The following BACH2 variants were observed in gnomAD, a reference collection of about 807,000 sequenced individuals.
BACH2 encodes the protein BACH transcriptional regulator 2.
Under a neutral mutation model 61.8 loss-of-function variants are expected in BACH2, and 5 were observed. The ratio of observed to expected loss-of-function variants is 0.08; its 90% CI spans 0.04 to 0.17. The LOEUF (loss-of-function observed/expected upper bound fraction) is 0.17. Among genes scored for constraint, BACH2 ranks in the 10% least tolerant of loss-of-function variants. The pLI, the probability that BACH2 is intolerant of heterozygous loss-of-function variation, is 1.00. For missense variants in BACH2, 824 were observed against 1,091.1 expected (o/e 0.76, Z 3.45); for synonymous variants, 446 against 440.1 (o/e 1.01, Z -0.17).
At chr6:89,967,643 T>C (rs1233837980) in intron 6 of BACH2, among the ~76,000 whole-genome samples, 4 of 152,212 alleles carry the variant, frequency 2.6e-5, no homozygotes, top group Admixed American at 6.5e-5. Flanking sequence ...AGCAGGTGTC[T>C]GGATGGCATC....
chr6:90,165,858 T>C (rs1176137115), intron 4 of BACH2, among the ~76,000 whole-genome samples: 3 of 152,198 alleles, frequency 2.0e-5, no homozygotes, highest in Non-Finnish European at 2.9e-5. Flanking sequence ...TAGCCATTTG[T>C]AGAAAGCTGA....
Position 89,938,124 on chromosome 6 carries a change from C to T in BACH2, c.2043+20G>A. On this transcript the variant is annotated intron_variant, in intron 8 of 8. Coordinates refer to ENST00000257749, the MANE Select transcript of BACH2 (RefSeq NM_021813.4). ...CCTGGTCACTTCAGGTTGCTGATCA[C>T]AATGGATGGGTCAACTCACCAATTT... 6.2e-7 allele frequency: 1 copy of T among 1,607,830 alleles called. No homozygotes were observed. Among genetic ancestry groups the T allele is most frequent in the East Asian group, 2.2e-5 (1 of 44,726 alleles).
intron 2 of BACH2, among the ~76,000 whole-genome samples, chr6:90,261,642 C>A (rs910449810): frequency 1.3e-5 from 2 of 152,142 alleles, no homozygotes; most frequent in Non-Finnish European, 2.9e-5. Flanking sequence ...TTTCCTCATA[C>A]CCTCAGATCA....
intron 5 of BACH2, among the ~76,000 whole-genome samples, chr6:90,034,482 A>C (rs748694712): frequency 6.6e-6 from 1 of 152,160 alleles, no homozygotes; most frequent in Non-Finnish European, 1.5e-5. Context: ...TGGCCAATTA[A>C]TTATCAATTA....
At chr6:89,960,232 C>T (rs1584534178) in intron 6 of BACH2, among the ~76,000 whole-genome samples, 2 of 152,206 alleles carry the variant, frequency 1.3e-5, no homozygotes, top group East Asian at 3.9e-4. Context: ...CTATTTGAAA[C>T]ACCTGGCATG....
chr6:90,228,557 A>G (rs1419758364), intron 3 of BACH2, among the ~76,000 whole-genome samples: 2 of 152,192 alleles, frequency 1.3e-5, no homozygotes, highest in Non-Finnish European at 2.9e-5. Flanking sequence ...CAGCCTGGGC[A>G]GCACAGTGAA....
intron 4 of BACH2, among the ~76,000 whole-genome samples, chr6:90,144,885 T>C (rs1181260916): frequency 6.6e-6 from 1 of 152,162 alleles, no homozygotes; most frequent in African/African-American, 2.4e-5. Flanking sequence ...TCTCTTCCAT[T>C]AACCAACTTC....
chr6:90,012,663 T>C (rs1777787809), intron 5 of BACH2, among the ~76,000 whole-genome samples: 1 of 151,364 alleles, frequency 6.6e-6, no homozygotes, highest in South Asian at 2.1e-4. Context: ...TTCTCAGCAA[T>C]ATTTTAATTG....
At chr6:90,292,407 A>G (rs998692031) in intron 1 of BACH2, among the ~76,000 whole-genome samples, 4 of 152,224 alleles carry the variant, frequency 2.6e-5, no homozygotes, top group African/African-American at 9.6e-5. Flanking sequence ...CTCAGGCATT[A>G]CCCAGCCAAG....
chr6:90,133,107 A>G (rs1229986734), intron 4 of BACH2, among the ~76,000 whole-genome samples: 1 of 152,230 alleles, frequency 6.6e-6, no homozygotes, highest in Non-Finnish European at 1.5e-5. Flanking sequence ...TGTCTCTTCA[A>G]CTAGATTTAT....
intron 5 of BACH2, among the ~76,000 whole-genome samples, chr6:90,081,765 C>T (rs780507867): frequency 1.3e-5 from 2 of 152,062 alleles, no homozygotes; most frequent in African/African-American, 4.8e-5. Flanking sequence ...TCCTATTCTA[C>T]GGACATAAAG....
intron 6 of BACH2, among the ~76,000 whole-genome samples, chr6:89,980,894 A>C (rs549042077): frequency 1.5e-5 from 2 of 130,902 alleles, no homozygotes; most frequent in South Asian, 4.8e-4. Flanking sequence ...GTATGGTGTT[A>C]ATTTTCAGTT....
chr6:90,289,128 T>C (rs1048409631), intron 1 of BACH2, among the ~76,000 whole-genome samples: 1 of 152,240 alleles, frequency 6.6e-6, no homozygotes, highest in African/African-American at 2.4e-5. Context: ...AACTTTAAGA[T>C]AGATGTCAAC....
At position 90,296,491 on chromosome 6, in the gene BACH2, A is replaced by G. The variant is rs1772397559; in HGVS notation, c.-457T>C. 1 of 150,962 alleles carries G rather than the reference A, an allele frequency of 6.6e-6. No individual in the cohort carries two copies. The allele number at this position is 150,962 out of a possible 1,614,324, so 9.4% of individuals were successfully genotyped here. A position where few individuals can be genotyped will look rare whatever the true frequency, so the allele number is the denominator to read the frequency against. ...GGCCCGGGACTCACCTCGCCGGAGA[A>G]CTTTGCGTCCTTTTCCGCCTCCTCT... On this transcript the variant is annotated 5_prime_UTR_variant, in exon 1 of 9. Transcript: ENST00000257749.
intron 2 of BACH2, among the ~76,000 whole-genome samples, chr6:90,271,398 A>G (rs1190395274): frequency 1.3e-5 from 2 of 151,120 alleles, no homozygotes; most frequent in African/African-American, 4.8e-5. Flanking sequence ...AAGAAAAAAG[A>G]AAGGAAAAGA....
intron 3 of BACH2, among the ~76,000 whole-genome samples, chr6:90,228,912 T>C (rs1770002451): frequency 6.6e-6 from 1 of 152,146 alleles, no homozygotes. Flanking sequence ...CATTTGACAG[T>C]GAGGTACAAT....
At chr6:90,248,220 A>G (rs1770699247) in intron 3 of BACH2, among the ~76,000 whole-genome samples, 1 of 152,176 alleles carries the variant, frequency 6.6e-6, no homozygotes, top group Admixed American at 6.5e-5. Flanking sequence ...CAACCAATTA[A>G]CTAATCTGCT....
At chr6:89,936,198 G>T (rs910305315) in intron 8 of BACH2, among the ~76,000 whole-genome samples, 3 of 152,198 alleles carry the variant, frequency 2.0e-5, no homozygotes, top group African/African-American at 4.8e-5. Context: ...GATAACTCAA[G>T]AGTAAGTGAT....
At chr6:90,291,980 G>A (rs1184184362) in intron 1 of BACH2, among the ~76,000 whole-genome samples, 1 of 152,112 alleles carries the variant, frequency 6.6e-6, no homozygotes, top group Admixed American at 6.5e-5. Flanking sequence ...AGAAAAACAG[G>A]GAGGCAGATT....
Sources: gnomAD v4.1 joint callset for allele counts (sites outside exome capture counted in the v4.1 genomes callset) on GRCh38, gnomAD v4.1.1 for gene constraint, MANE v1.5 for transcripts, NCBI Gene and HGNC (gene_info 2026-07-23, HGNC 2026-07-21) for gene names.